CFAP299: variants seen among roughly 807,000 people sequenced by gnomAD.
The protein encoded by CFAP299 is cilia- and flagella-associated protein 299.
In CFAP299, 21 loss-of-function variants were observed where a neutral mutation model predicts 27.0. That is an observed-to-expected ratio of 0.78 (90% CI 0.55 to 1.12). The LOEUF is 1.12. Ranked by LOEUF, CFAP299 falls within the 50% of genes most tolerant of loss-of-function variation. The pLI, the probability that CFAP299 is intolerant of heterozygous loss-of-function variation, is 0.00. For synonymous variants in CFAP299, 104 were observed against 98.1 expected (o/e 1.06, Z -0.36); for missense variants, 310 against 276.6 (o/e 1.12, Z -0.86).
chr4:80,516,625 G>A lies in CFAP299; in HGVS notation c.243-66468G>A, dbSNP rs1732604298. On this transcript the variant is annotated intron_variant, in intron 2 of 5. Transcript: ENST00000358105. ...AAGATGGTGCTAAACCATTCATGAG[G>A]AATCTGACCCCATGATCCAATCACC... 2.0e-5 allele frequency among the ~76,000 whole-genome samples: 3 copies of A among 152,072 alleles called. No individual in the cohort carries two copies. The South Asian group carries it at 6.2e-4, about 32-fold the overall frequency.
chr4:80,467,883 G>A (rs1729785023), intron 2 of CFAP299, among the ~76,000 whole-genome samples: 1 of 152,114 alleles, frequency 6.6e-6, no homozygotes. Context: ...GAGCAAAGAG[G>A]GAAGAGGCCC....
chr4:80,904,447 C>A (rs1427831018), intron 4 of CFAP299, among the ~76,000 whole-genome samples: 1 of 152,120 alleles, frequency 6.6e-6, no homozygotes, highest in Non-Finnish European at 1.5e-5. Context: ...CTATGGGGAA[C>A]CCTTTTTAAC....
At chr4:80,742,284 C>A (rs1262088893) in intron 3 of CFAP299, among the ~76,000 whole-genome samples, 4 of 152,024 alleles carry the variant, frequency 2.6e-5, no homozygotes, top group African/African-American at 9.7e-5. Flanking sequence ...CTTGTTTATG[C>A]CCCTGTCTCC....
At chr4:80,894,366 G>A (rs770732590) in intron 4 of CFAP299, among the ~76,000 whole-genome samples, 11 of 151,892 alleles carry the variant, frequency 7.2e-5, no homozygotes, top group Non-Finnish European at 1.3e-4. Context: ...AGTAGACCAC[G>A]TTGTCTACAA....
chr4:80,403,459 G>A (rs920049042), intron 2 of CFAP299, among the ~76,000 whole-genome samples: 3 of 152,052 alleles, frequency 2.0e-5, no homozygotes, highest in Non-Finnish European at 4.4e-5. Context: ...AATACAAACT[G>A]TTAGCTCTGA....
At chr4:80,870,856 C>T (rs1466079394) in intron 4 of CFAP299, 14 of 985,118 alleles carry the variant, frequency 1.4e-5, no homozygotes, top group Non-Finnish European at 1.7e-5. Flanking sequence ...CTGTTATCCT[C>T]TATCCACCCT....
chr4:80,484,104 G>A (rs1044270917), intron 2 of CFAP299, among the ~76,000 whole-genome samples: 1 of 151,870 alleles, frequency 6.6e-6, no homozygotes, highest in Admixed American at 6.6e-5. Context: ...TGTTATTTTC[G>A]TTTTTACCCC....
chr4:80,567,461 A>T (rs1200589862), intron 2 of CFAP299, among the ~76,000 whole-genome samples: 1 of 152,072 alleles, frequency 6.6e-6, no homozygotes, highest in Admixed American at 6.6e-5. Flanking sequence ...CTCCAAATGT[A>T]ACCCTGACTA....
In CFAP299 at chr4:80,850,879, A is replaced by G. The variant is rs73829166; in HGVS notation, c.334-19114A>G. On this transcript the variant is annotated intron_variant, in intron 3 of 5. Transcript: ENST00000358105. The stretch of plus-strand genomic sequence containing the variant: ...ACAAAGCAAAGACATGGTTTGAGAT[A>G]TTTCTTGAAGCTAAAATCAGCAGAA... Among the ~76,000 whole-genome samples, 1,016 of 152,292 alleles carry G rather than the reference A, an allele frequency of 6.7e-3. 13 individuals are homozygous for G. The highest frequency in any genetic ancestry group is 0.023 in the African/African-American group (958 of 41,584).
intron 3 of CFAP299, among the ~76,000 whole-genome samples, chr4:80,722,909 C>CA (rs75739402): frequency 0.062 from 9,283 of 150,362 alleles, 415 homozygotes; most frequent in East Asian, 0.23. Context: ...AAAAACAAAA[C>CA]AAAAAAAAAT....
At chr4:80,822,562 G>T (rs189568761) in intron 3 of CFAP299, among the ~76,000 whole-genome samples, 8 of 152,190 alleles carry the variant, frequency 5.3e-5, no homozygotes, top group African/African-American at 1.9e-4. Context: ...GAGAAATAAA[G>T]AAAAGCTGAT....
At chr4:80,729,210 C>T (rs921897486) in intron 3 of CFAP299, among the ~76,000 whole-genome samples, 2 of 152,134 alleles carry the variant, frequency 1.3e-5, no homozygotes, top group Non-Finnish European at 2.9e-5. Context: ...CTTTGACTTA[C>T]ACAATTGCCA....
At chr4:80,752,681 A>T (rs1725004122) in intron 3 of CFAP299, among the ~76,000 whole-genome samples, 1 of 151,466 alleles carries the variant, frequency 6.6e-6, no homozygotes, top group African/African-American at 2.4e-5. Flanking sequence ...GACCTTACTA[A>T]TTGCTTTTTA....
chr4:80,917,472 A>G (rs1735823407), intron 4 of CFAP299, among the ~76,000 whole-genome samples: 1 of 152,178 alleles, frequency 6.6e-6, no homozygotes. Context: ...CTAATATTGT[A>G]ACAATGGTAC....
intron 2 of CFAP299, among the ~76,000 whole-genome samples, chr4:80,379,984 A>G (rs1389240089): frequency 6.6e-6 from 1 of 152,084 alleles, no homozygotes; most frequent in Non-Finnish European, 1.5e-5. Flanking sequence ...TATTCTAGCT[A>G]TTACTTAGAG....
chr4:80,387,904 G>T, intron 2 of CFAP299: 5 of 907,098 alleles, frequency 5.5e-6, no homozygotes, highest in Non-Finnish European at 9.2e-6. Flanking sequence ...GGTGCCCCCG[G>T]TGGCACTGGT....
At chr4:80,362,670 C>A in intron 1 of CFAP299, 84 bp from the exon 2 acceptor site, 1 of 1,373,154 alleles carries the variant, frequency 7.3e-7, no homozygotes, top group Non-Finnish European at 9.8e-7. Flanking sequence ...GCTTGGTATA[C>A]ATTGCAGATG....
At chr4:80,940,410 G>A (rs1737132859) in intron 4 of CFAP299, among the ~76,000 whole-genome samples, 2 of 152,162 alleles carry the variant, frequency 1.3e-5, no homozygotes, top group Admixed American at 6.5e-5. Flanking sequence ...ATGGGCCTGC[G>A]GGATCTCCCT....
chr4:80,507,540 T>C (rs978204058), intron 2 of CFAP299, among the ~76,000 whole-genome samples: 28 of 145,948 alleles, frequency 1.9e-4, no homozygotes, highest in Admixed American at 1.7e-3. Context: ...TATAAGTCTT[T>C]GGAAGATTCA....
Sources: allele counts gnomAD v4.1 joint callset (sites outside exome capture counted in the v4.1 genomes callset), GRCh38; gene constraint gnomAD v4.1.1; transcripts MANE v1.5; gene names NCBI Gene and HGNC (gene_info 2026-07-23, HGNC 2026-07-21).